Variants in CES1 observed in about 807,000 individuals in gnomAD.
CES1 encodes the protein carboxylesterase 1, also known as liver carboxylesterase 1.
In CES1, 50 loss-of-function variants were observed where a neutral mutation model predicts 53.0. The observed-to-expected ratio is 0.94, with a 90% CI of 0.75 to 1.19. The LOEUF is 1.19. Among genes scored for constraint, CES1 ranks in the 50% most tolerant of loss-of-function variants. The pLI is 0.00. For synonymous variants in CES1, 202 were observed against 210.1 expected (o/e 0.96, Z 0.33); for missense variants, 534 against 538.0 (o/e 0.99, Z 0.07).
intron 1 of CES1, among the ~76,000 whole-genome samples, chr16:55,832,586 GAC>G (rs1330872236): frequency 2.0e-5 from 3 of 151,002 alleles, no homozygotes; most frequent in African/African-American, 7.4e-5. Context: ...CTTGCCTAAG[GAC>G]ACACAGCGAG....
At chr16:55,814,791 G>C (rs4992371) in intron 8 of CES1, among the ~76,000 whole-genome samples, 2 of 152,224 alleles carry the variant, frequency 1.3e-5, no homozygotes, top group Non-Finnish European at 2.9e-5. Context: ...AATGAATGAC[G>C]AGCTAGTTCG....
intron 9 of CES1, chr16:55,812,198 A>G (rs74450961): frequency 0.058 from 8,890 of 153,368 alleles, 301 homozygotes; most frequent in Middle Eastern, 0.13. Context: ...GAAGGAGAAC[A>G]CTTCTTTACT....
Position 55,826,357 on chromosome 16 carries a change from G to C in CES1, c.261-62C>G, listed in dbSNP as rs1403366700. ...CAGATCTAAGCGAGGTGTTTTCTAC[G>C]GCAGCGCCTTGGACTGGGAGGTTTA... On this transcript the variant is annotated intron_variant, in intron 2 of 13. Coordinates refer to ENST00000360526, the MANE Select transcript of CES1 (RefSeq NM_001025195.2). The C allele has an allele frequency of 5.5e-5, 87 of 1,595,022 alleles. No individual in the cohort carries two copies. In the African/African-American group the frequency reaches 1.1e-3, roughly 21 times the overall value.
chr16:55,829,482 G>A (rs555355865), intron 1 of CES1, among the ~76,000 whole-genome samples: 6 of 152,344 alleles, frequency 3.9e-5, no homozygotes, highest in Admixed American at 2.0e-4. Context: ...TTCTGATTGC[G>A]GGCATCATGG....
At chr16:55,813,434 A>G (rs563694386) in intron 8 of CES1, among the ~76,000 whole-genome samples, 19 of 152,252 alleles carry the variant, frequency 1.2e-4, no homozygotes, top group Middle Eastern at 3.4e-3. Context: ...ATACAGGGTC[A>G]TCACTCAAGG....
chr16:55,826,902 G>A (rs2032439809), intron 2 of CES1, among the ~76,000 whole-genome samples: 2 of 152,150 alleles, frequency 1.3e-5, no homozygotes, highest in African/African-American at 4.8e-5. Context: ...CAGTGTTCCA[G>A]GCACTGTTTT....
chr16:55,819,430 T>C (rs1215050468), intron 7 of CES1, 105 bp downstream of exon 7: 30 of 846,482 alleles, frequency 3.5e-5, no homozygotes, highest in Non-Finnish European at 1.6e-5. Flanking sequence ...ATACTGAGAG[T>C]TGAGAAATTG....
intron 6 of CES1, among the ~76,000 whole-genome samples, 160 bp from the exon 7 acceptor site, chr16:55,819,799 G>A (rs567871716): frequency 2.0e-4 from 30 of 152,282 alleles, no homozygotes; most frequent in South Asian, 1.4e-3. Flanking sequence ...CCCACGGAGC[G>A]TTGCCTCTGT....
In CES1 at chr16:55,816,930, G is replaced by A. The variant is rs1234419565; in HGVS notation, c.939C>T (p.Pro313=). 1 of 1,614,062 alleles carries A rather than the reference G, an allele frequency of 6.2e-7. No individual in the cohort carries two copies. The highest frequency in any genetic ancestry group is 8.5e-7 in the Non-Finnish European group (1 of 1,179,936). ...KFLSLDLQGD[P]RESQPLLGTV... ...AGAAACAAAAGGTCCTTACCTCTCT[G>A]GGGTCTCCCTGTAAGTCCAGAGATA... The change falls in exon 8 of 14, where the codon CCC becomes CCT. Residue 313 remains proline (P), a synonymous_variant. Coordinates refer to ENST00000360526, the MANE Select transcript of CES1 (RefSeq NM_001025195.2).
intron 6 of CES1, chr16:55,820,033 C>A: frequency 3.6e-6 from 2 of 557,530 alleles, no homozygotes; most frequent in East Asian, 3.1e-5. Context: ...GACACCATCA[C>A]TGCCCAACAT....
rs780747572 is a variant in CES1 at position 55,819,619 on chromosome 16, C to G, written c.822G>C (p.Gly274=). ...TGACAGCAGAGGTGGTGGTTTTGCA[C>G]CCAGCAGTGATAGCAATTTGCTGCA... is the stretch of plus-strand genomic sequence containing the variant. ...PLAEQIAITA[G]CKTTTSAVMV... Residue 274 remains glycine (G), a synonymous_variant, in exon 7 of 14, where the codon GGG becomes GGC. Transcript: ENST00000360526. 3.2e-5 allele frequency: 52 copies of G among 1,613,828 alleles called. No homozygotes were observed. Among genetic ancestry groups the G allele is most frequent in the Non-Finnish European group, 3.8e-5 (45 of 1,179,882 alleles).
rs1258524589 is a variant in CES1 at position 55,821,356 on chromosome 16, A to C, written c.693+12T>G. The C allele has an allele frequency of 3.1e-6, 5 of 1,614,090 alleles. No individual in the cohort carries two copies. Among genetic ancestry groups the C allele is most frequent in the Non-Finnish European group, 4.2e-6 (5 of 1,180,038 alleles). On this transcript the variant is annotated intron_variant, in intron 5 of 13. Coordinates refer to ENST00000360526, the MANE Select transcript of CES1 (RefSeq NM_001025195.2). The stretch of plus-strand genomic sequence containing the variant: ...CAAGCGTGGGGTTGGGCCTGGTGAC[A>C]GGAAAACTCACAAGAACAGAGACAC...
At position 55,823,639 on chromosome 16, in the gene CES1, T is replaced by A. The variant is rs779546823; in HGVS notation, c.450A>T (p.Ala150=). The A allele has an allele frequency of 6.2e-7, 1 of 1,614,092 alleles. No homozygotes were observed. The highest frequency in any genetic ancestry group is 2.2e-5 in the East Asian group (1 of 44,878). The stretch of plus-strand genomic sequence containing the variant: ...CAAGGGCCAGCCCATCATAGGTTGA[T>A]GCCGCACCCACCATCAGCCCCCCTC... ...IHGGGLMVGA[A]STYDGLALAA... is the part of the protein sequence containing the mutation. Residue 150 remains alanine, a synonymous_variant, in exon 4 of 14, where the codon GCA becomes GCT. Transcript: ENST00000360526.
At chr16:55,830,878 A>G (rs1403951189) in intron 1 of CES1, among the ~76,000 whole-genome samples, 3 of 151,406 alleles carry the variant, frequency 2.0e-5, no homozygotes, top group Non-Finnish European at 4.4e-5. Context: ...GGGAAAGAAA[A>G]GAAAGGAAAA....
chr16:55,814,675 C>T (rs562409398), intron 8 of CES1, among the ~76,000 whole-genome samples: 51 of 152,348 alleles, frequency 3.3e-4, no homozygotes, highest in African/African-American at 9.9e-4. Context: ...CCCAGTTCCA[C>T]GCCCCATGGG....
chr16:55,813,122 A>G, intron 8 of CES1, 79 bp from the exon 9 acceptor site: 4 of 1,590,774 alleles, frequency 2.5e-6, no homozygotes, highest in Non-Finnish European at 3.4e-6. Flanking sequence ...TCTGAGGGTG[A>G]GACCAGTACC....
In CES1 at chr16:55,820,830, C is replaced by T. The variant is rs147330532; in HGVS notation, c.694-351G>A. Among the ~76,000 whole-genome samples, 209 of 152,200 alleles carry T rather than the reference C, an allele frequency of 1.4e-3. 1 individual carries two copies. The highest frequency in any genetic ancestry group is 4.7e-3 in the African/African-American group (197 of 41,508). ...TGCCTGCCTCCCCTAGCCCACTGGA[C>T]CCCACAGTCACAAAGACTGTCGCCT... On this transcript the variant is annotated intron_variant, in intron 5 of 13. Coordinates refer to ENST00000360526, the MANE Select transcript of CES1 (RefSeq NM_001025195.2).
chr16:55,828,200 C>CG lies in CES1; in HGVS notation c.260+566_260+567insC. ...CAATTAGAACCTTTGGGCTTTTCTT[C>CG]CCAGCTTGGCCAGGGTGAATGGACA... On this transcript the variant is annotated intron_variant, in intron 2 of 13. Coordinates refer to ENST00000360526, the MANE Select transcript of CES1 (RefSeq NM_001025195.2). 5 of 190,126 alleles carry CG rather than the reference C, an allele frequency of 2.6e-5. No individual in the cohort carries two copies. In the South Asian group the frequency reaches 3.1e-4, roughly 12 times the overall value. 11.8% of individuals were successfully genotyped at this position (190,126 alleles called of 1,614,324 possible). A position where few individuals can be genotyped will look rare whatever the true frequency, so the allele number is the denominator to read the frequency against.
At chr16:55,813,775 TC>T (rs2031809421) in intron 8 of CES1, among the ~76,000 whole-genome samples, 1 of 152,152 alleles carries the variant, frequency 6.6e-6, no homozygotes, top group Non-Finnish European at 1.5e-5. Flanking sequence ...GCAGCGCTAC[TC>T]TTGGGTTCGC....
Sources: allele counts gnomAD v4.1 joint callset (sites outside exome capture counted in the v4.1 genomes callset), GRCh38; gene constraint gnomAD v4.1.1; transcripts MANE v1.5; gene names NCBI Gene and HGNC (gene_info 2026-07-23, HGNC 2026-07-21).